The following RNF10 variants were observed in gnomAD, a reference collection of about 807,000 sequenced individuals.
RNF10 encodes E3 ubiquitin-protein ligase RNF10.
A neutral mutation model predicts 91.4 loss-of-function variants in RNF10; 38 were observed. The ratio of observed to expected loss-of-function variants is 0.42; its 90% confidence interval spans 0.32 to 0.54. The LOEUF is 0.54. Among genes scored for constraint, RNF10 ranks in the 20% least tolerant of loss-of-function variants. The pLI, the probability that RNF10 is intolerant of heterozygous loss-of-function variation, is 0.16. For missense variants in RNF10, 945 were observed against 1,012.0 expected, an observed-to-expected ratio of 0.93 and a Z score of 0.90; for synonymous variants, 364 against 366.3, an observed-to-expected ratio of 0.99 and a Z score of 0.07.
intron 2 of RNF10, among the ~76,000 whole-genome samples, chr12:120,552,214 G>A (rs1208816965): frequency 3.9e-5 from 6 of 152,028 alleles, no homozygotes; most frequent in Admixed American, 3.9e-4. Flanking sequence ...GGTCAACATG[G>A]CGAAACCCTG....
At chr12:120,552,850 CCTTT>C (rs1207895646) in intron 3 of RNF10, 152 bp downstream of exon 3, 4 of 676,730 alleles carry the variant, frequency 5.9e-6, no homozygotes, top group Non-Finnish European at 9.8e-6. Flanking sequence ...CCCCGCCCTT[CCTTT>C]CTTTTACCCA....
At chr12:120,564,947 G>A in intron 10 of RNF10, 125 bp from the exon 11 acceptor site, 1 of 691,676 alleles carries the variant, frequency 1.4e-6, no homozygotes, top group Non-Finnish European at 2.6e-6. Flanking sequence ...GGATAATTGA[G>A]CACTACTGTT....
chr12:120,554,609 G>A (rs1873678508), intron 3 of RNF10, 109 bp from the exon 4 acceptor site: 7 of 826,936 alleles, frequency 8.5e-6, no homozygotes, highest in Non-Finnish European at 1.0e-5. Flanking sequence ...ATGAACCAGG[G>A]CTGCTAATGG....
Position 120,563,828 on chromosome 12 carries a change from T to C in RNF10, c.1550T>C (p.Met517Thr), listed in dbSNP as rs750611679. The stretch of plus-strand genomic sequence containing the variant: ...TCCTCAGCGGAAGATGGACAGCATA[T>C]GTTCCTGCACCCTGTGAATGTGCGC... The part of the protein sequence containing the change: ...YFYQAEDGQH[M>T]FLHPVNVRCL... The change falls in exon 10 of 17, where the codon ATG (methionine) becomes ACG (threonine). Residue 517 changes from methionine (M) to threonine (T), a missense_variant. Physicochemically the swap from Met to Thr is moderately conservative, Grantham distance 81. Coordinates refer to ENST00000325954, the MANE Select transcript of RNF10 (RefSeq NM_014868.5). 2.5e-6 allele frequency: 4 copies of C among 1,613,958 alleles called. No individual in the cohort carries two copies. Among genetic ancestry groups the C allele is most frequent in the African/African-American group, 1.3e-5 (1 of 74,906 alleles).
chr12:120,551,292 T>TG (rs1565951871), intron 2 of RNF10, among the ~76,000 whole-genome samples: 1 of 127,052 alleles, frequency 7.9e-6, no homozygotes, highest in Non-Finnish European at 1.8e-5. Flanking sequence ...ATCCTAGTGT[T>TG]TTTTTTTTTT....
rs113333301 is a variant in RNF10 at position 120,573,585 on chromosome 12, CA to C, written c.2143-2031del. 4.5e-3 allele frequency among the ~76,000 whole-genome samples: 620 copies of C among 138,562 alleles called. 1 individual carries two copies. Among genetic ancestry groups the C allele is most frequent in the Admixed American group, 4.4e-3 (60 of 13,730 alleles). 90.9% of individuals were successfully genotyped at this position (138,562 alleles called of 152,430 possible). A position where few individuals can be genotyped will look rare whatever the true frequency, so the allele number is the denominator to read the frequency against. On this transcript the variant is annotated intron_variant, in intron 14 of 16. Coordinates refer to ENST00000325954, the MANE Select transcript of RNF10 (RefSeq NM_014868.5). ...GATTACCCGACGCCGAGTCATTTATCAAAAAAAAAAAAAAAGTTTATTTGGC... is the reference window on the plus strand; with the variant it reads ...GATTACCCGACGCCGAGTCATTTATCAAAAAAAAAAAAAAGTTTATTTGGC...
chr12:120,566,942 C>T lies in RNF10; in HGVS notation c.2003C>T (p.Ser668Phe). The change falls in exon 13 of 17, where the codon TCC becomes TTC. Residue 668 changes from serine (S) to phenylalanine (F), a missense_variant. Transcript: ENST00000325954. ...PTSTEGHGALSISPLSRSPGS... is the reference protein window; with the variant it reads ...PTSTEGHGALFISPLSRSPGS... ...AGCACCGAGGGCCATGGGGCCCTCTCCATTTCTCCTCTCAGCAGAAGTCCA... is the reference window on the plus strand; with the variant it reads ...AGCACCGAGGGCCATGGGGCCCTCTTCATTTCTCCTCTCAGCAGAAGTCCA... 2 of 1,610,742 alleles carry T rather than the reference C, an allele frequency of 1.2e-6. No individual in the cohort carries two copies. Among genetic ancestry groups the T allele is most frequent in the East Asian group, 2.2e-5 (1 of 44,850 alleles).
intron 12 of RNF10, 141 bp from the exon 13 acceptor site, chr12:120,566,684 C>A: frequency 1.3e-6 from 1 of 768,254 alleles, no homozygotes; most frequent in Non-Finnish European, 2.1e-6. Context: ...ATCGCTTGAG[C>A]CTGGGAGGCA....
At chr12:120,542,394 T>A (rs1871704639) in intron 1 of RNF10, among the ~76,000 whole-genome samples, 1 of 152,124 alleles carries the variant, frequency 6.6e-6, no homozygotes, top group Non-Finnish European at 1.5e-5. Flanking sequence ...ACTCAAGTGA[T>A]CCTCTTGCTT....
At chr12:120,568,170 A>G (rs1372705424) in intron 13 of RNF10, among the ~76,000 whole-genome samples, 1 of 151,944 alleles carries the variant, frequency 6.6e-6, no homozygotes, top group Non-Finnish European at 1.5e-5. Flanking sequence ...GCTTGAGCCT[A>G]GGAGGCAAAG....
chr12:120,558,077 C>T (rs1208498039), intron 6 of RNF10, among the ~76,000 whole-genome samples: 1 of 151,996 alleles, frequency 6.6e-6, no homozygotes, highest in Non-Finnish European at 1.5e-5. Context: ...AGATGTATTC[C>T]CTGTGTTTCA....
chr12:120,537,525 G>A (rs1871001055), intron 1 of RNF10, among the ~76,000 whole-genome samples: 1 of 152,124 alleles, frequency 6.6e-6, no homozygotes, highest in Admixed American at 6.5e-5. Context: ...CTACTCGGGG[G>A]GCTGAGGCAG....
rs1198338195 is a variant in RNF10 at position 120,560,792 on chromosome 12, T to C, written c.1034T>C (p.Val345Ala). 6.2e-7 allele frequency: 1 copy of C among 1,614,156 alleles called. No individual in the cohort carries two copies. Among genetic ancestry groups the C allele is most frequent in the Non-Finnish European group, 8.5e-7 (1 of 1,180,032 alleles). ...ASKEQVLHRVVLEEKVALEQQ... is the reference protein window; with the variant it reads ...ASKEQVLHRVALEEKVALEQQ... ...AAGGAGCAGGTGCTGCACCGGGTAG[T>C]TCTGGAGGAGAAAGTAGCACTAGAG... Residue 345 changes from valine (V) to alanine (A), a missense_variant, in exon 7 of 17, where the codon GTT becomes GCT. Coordinates refer to ENST00000325954, the MANE Select transcript of RNF10 (RefSeq NM_014868.5).
chr12:120,543,106 C>T (rs1305078172), intron 1 of RNF10, among the ~76,000 whole-genome samples: 1 of 152,158 alleles, frequency 6.6e-6, no homozygotes, highest in East Asian at 1.9e-4. Context: ...ACATTTTCTT[C>T]TTTCTGAGGC....
At chr12:120,554,571 T>G (rs1873671835) in intron 3 of RNF10, 147 bp from the exon 4 acceptor site, 1 of 633,532 alleles carries the variant, frequency 1.6e-6, no homozygotes, top group Non-Finnish European at 2.9e-6. Flanking sequence ...AGCTCAGAAC[T>G]GAGGCTGAGG....
At chr12:120,562,535 A>G (rs927124534) in intron 7 of RNF10, among the ~76,000 whole-genome samples, 1 of 151,710 alleles carries the variant, frequency 6.6e-6, no homozygotes, top group African/African-American at 2.4e-5. Flanking sequence ...CAGTCTCCCA[A>G]AGTGCTGGGA....
chr12:120,556,397 G>A (rs1874016817), intron 4 of RNF10, among the ~76,000 whole-genome samples: 1 of 151,398 alleles, frequency 6.6e-6, no homozygotes, highest in Non-Finnish European at 1.5e-5. Context: ...CCGGCGCAGT[G>A]GCGGGTACCT....
chr12:120,575,814 T>TG lies in RNF10; in HGVS notation c.2224dup (p.Ala742GlyfsTer10). 6.2e-7 allele frequency: 1 copy of TG among 1,614,228 alleles called. No homozygotes were observed. The highest frequency in any genetic ancestry group is 8.5e-7 in the Non-Finnish European group (1 of 1,180,026). ...TAGATGAGAACAGCTTAGTTCCTCC[T>TG]GCCCCTGTGGACAGCGACGGGGAGA... On this transcript the variant is annotated frameshift_variant, in exon 16 of 17. Transcript: ENST00000325954. LOFTEE classifies it high-confidence loss of function.
At chr12:120,560,932 G>A (rs372428079) in intron 7 of RNF10, 46 bp downstream of exon 7, 39 of 1,584,674 alleles carry the variant, frequency 2.5e-5, no homozygotes, top group South Asian at 2.4e-4. Flanking sequence ...CTTTCTCGGC[G>A]TTCTGTGGTG....
Sources: allele counts gnomAD v4.1 joint callset (sites outside exome capture counted in the v4.1 genomes callset), GRCh38; gene constraint gnomAD v4.1.1; transcripts MANE v1.5; gene names NCBI Gene and HGNC (gene_info 2026-07-23, HGNC 2026-07-21).